CACNA2D3: variants seen among roughly 807,000 people sequenced by gnomAD.
CACNA2D3 encodes the protein voltage-dependent calcium channel subunit alpha-2/delta-3.
In CACNA2D3, 60 loss-of-function variants were observed where a neutral mutation model predicts 160.6. That is an observed-to-expected ratio of 0.37 (90% CI 0.30 to 0.46). CACNA2D3 has a LOEUF of 0.46. Among genes scored for constraint, CACNA2D3 ranks in the 20% least tolerant of loss-of-function variants. CACNA2D3 has a pLI of 1.00. For synonymous variants in CACNA2D3, 558 were observed against 492.9 expected, an observed-to-expected ratio of 1.13 and a Z score of -1.75; for missense variants, 1,205 against 1,365.0, an observed-to-expected ratio of 0.88 and a Z score of 1.85.
chr3:54,485,630 C>T (rs1348811649), intron 4 of CACNA2D3, among the ~76,000 whole-genome samples: 2 of 150,656 alleles, frequency 1.3e-5, no homozygotes, highest in East Asian at 2.0e-4. Context: ...GTTGTGTGAT[C>T]TTGGCTCATT....
intron 6 of CACNA2D3, among the ~76,000 whole-genome samples, chr3:54,567,132 C>T (rs1277076575): frequency 6.6e-6 from 1 of 152,140 alleles, no homozygotes; most frequent in Non-Finnish European, 1.5e-5. Flanking sequence ...CGTAATCTCT[C>T]AGGAGATTGG....
chr3:54,998,758 G>GTTTTGT (rs1702917291), intron 31 of CACNA2D3, among the ~76,000 whole-genome samples: 1 of 133,088 alleles, frequency 7.5e-6, no homozygotes, highest in African/African-American at 2.8e-5. Context: ...GTTTTGTTTT[G>GTTTTGT]TTTTTTGAGA....
intron 11 of CACNA2D3, among the ~76,000 whole-genome samples, chr3:54,727,136 GC>G (rs1276350531): frequency 6.6e-6 from 1 of 152,196 alleles, no homozygotes; most frequent in African/African-American, 2.4e-5. Context: ...CATTTATGCA[GC>G]CAACAGACAT....
intron 2 of CACNA2D3, among the ~76,000 whole-genome samples, chr3:54,217,883 A>AGG (rs888383184): frequency 9.2e-5 from 14 of 151,892 alleles, no homozygotes; most frequent in African/African-American, 2.9e-4. Flanking sequence ...AGAGAGAGAG[A>AGG]GAGACAGGTG....
intron 27 of CACNA2D3, among the ~76,000 whole-genome samples, chr3:54,911,927 A>G (rs952231991): frequency 1.3e-5 from 2 of 152,198 alleles, no homozygotes; most frequent in Admixed American, 6.5e-5. Context: ...TTACTATTGT[A>G]CAGTACCTGT....
chr3:54,538,981 A>G (rs765663906), intron 5 of CACNA2D3, among the ~76,000 whole-genome samples: 3 of 152,208 alleles, frequency 2.0e-5, no homozygotes, highest in Non-Finnish European at 2.9e-5. Context: ...GACCTTGGAC[A>G]TGTTACTTGG....
At chr3:54,310,261 A>G (rs1478255719) in intron 2 of CACNA2D3, among the ~76,000 whole-genome samples, 1 of 152,152 alleles carries the variant, frequency 6.6e-6, no homozygotes, top group Non-Finnish European at 1.5e-5. Flanking sequence ...AAGTGGTCCT[A>G]ACTTCAGTTT....
chr3:54,489,256 T>A (rs1031801800), intron 4 of CACNA2D3, among the ~76,000 whole-genome samples: 5 of 152,170 alleles, frequency 3.3e-5, no homozygotes, highest in Non-Finnish European at 5.9e-5. Context: ...AAGCTCGCTA[T>A]GCCATAAGGA....
At chr3:55,025,527 C>T (rs1014164482) in intron 35 of CACNA2D3, among the ~76,000 whole-genome samples, 4 of 148,894 alleles carry the variant, frequency 2.7e-5, no homozygotes, top group South Asian at 4.3e-4. Flanking sequence ...AGCTGCTACT[C>T]GGGAGCTGAG....
chr3:54,442,352 C>G (rs1327421138), intron 4 of CACNA2D3, among the ~76,000 whole-genome samples: 1 of 152,134 alleles, frequency 6.6e-6, no homozygotes, highest in East Asian at 1.9e-4. Context: ...GGGCCCTTTA[C>G]TCCTTCTCCC....
At chr3:54,852,487 G>A (rs950910730) in intron 17 of CACNA2D3, among the ~76,000 whole-genome samples, 17 of 152,212 alleles carry the variant, frequency 1.1e-4, no homozygotes, top group South Asian at 8.3e-4. Flanking sequence ...AAGAGTCCTC[G>A]CACCTCCGCT....
intron 12 of CACNA2D3, among the ~76,000 whole-genome samples, chr3:54,760,235 CCTCTCTGAT>C (rs1015784999): frequency 2.4e-3 from 1 of 412 alleles, no homozygotes; most frequent in Non-Finnish European, 4.3e-3. Context: ...TCAGGGAGGG[CCTCTCTGAT>C]CTGAGCTGAG....
At chr3:54,215,151 G>A (rs1037379331) in intron 2 of CACNA2D3, among the ~76,000 whole-genome samples, 8 of 152,084 alleles carry the variant, frequency 5.3e-5, no homozygotes, top group Admixed American at 5.2e-4. Context: ...AGAGAGAAAA[G>A]TTCTGTCCCC....
chr3:54,836,721 T>C (rs1698698957), intron 14 of CACNA2D3, among the ~76,000 whole-genome samples: 1 of 152,230 alleles, frequency 6.6e-6, no homozygotes, highest in Non-Finnish European at 1.5e-5. Flanking sequence ...ATCCAGATTC[T>C]GTTGTTTTTA....
intron 9 of CACNA2D3, among the ~76,000 whole-genome samples, chr3:54,625,691 C>T (rs1206252784): frequency 1.3e-5 from 2 of 152,106 alleles, no homozygotes; most frequent in Admixed American, 6.5e-5. Context: ...AAGGTTTTTA[C>T]CATGAAGAAC....
At chr3:54,207,983 C>T (rs917558751) in intron 2 of CACNA2D3, among the ~76,000 whole-genome samples, 9 of 152,128 alleles carry the variant, frequency 5.9e-5, no homozygotes, top group Non-Finnish European at 4.4e-5. Context: ...ATTCATGTCC[C>T]CTTTGGAAGT....
intron 27 of CACNA2D3, chr3:54,918,601 A>G: frequency 6.2e-7 from 1 of 1,611,086 alleles, no homozygotes; most frequent in South Asian, 1.1e-5. Context: ...CATGAGACAC[A>G]CAATCCCACA....
chr3:55,041,964 A>G (rs991172360), intron 35 of CACNA2D3, among the ~76,000 whole-genome samples: 1 of 152,150 alleles, frequency 6.6e-6, no homozygotes, highest in African/African-American at 2.4e-5. Context: ...GAATTTCTAG[A>G]TACCTTAATA....
chr3:54,653,482 A>G (rs1249086408), intron 11 of CACNA2D3, among the ~76,000 whole-genome samples: 1 of 152,234 alleles, frequency 6.6e-6, no homozygotes, highest in Non-Finnish European at 1.5e-5. Context: ...TCAGGAAAAT[A>G]GGAACACTCA....
Sources: allele counts gnomAD v4.1 joint callset (sites outside exome capture counted in the v4.1 genomes callset), GRCh38; gene constraint gnomAD v4.1.1; transcripts MANE v1.5; gene names NCBI Gene and HGNC (gene_info 2026-07-23, HGNC 2026-07-21).